SF3B3: variants seen among roughly 807,000 people sequenced by gnomAD.
SF3B3 encodes the protein SAP 130.
A neutral mutation model predicts 139.2 loss-of-function variants in SF3B3; 33 were observed. The observed-to-expected ratio is 0.24, with a 90% confidence interval of 0.18 to 0.32. SF3B3 has a LOEUF of 0.32. Among genes scored for constraint, SF3B3 ranks in the 10% least tolerant of loss-of-function variants. SF3B3 has a pLI of 1.00. For missense variants in SF3B3, 818 were observed against 1,509.4 expected (o/e 0.54, Z 7.59); for synonymous variants, 596 against 563.6 (o/e 1.06, Z -0.81).
At chr16:70,557,814 A>T (rs969566188) in intron 15 of SF3B3, among the ~76,000 whole-genome samples, 1 of 152,158 alleles carries the variant, frequency 6.6e-6, no homozygotes, top group Non-Finnish European at 1.5e-5. Context: ...TCCAAGATCT[A>T]TCATTTCATC....
intron 24 of SF3B3, 116 bp downstream of exon 24, chr16:70,570,265 T>TA: frequency 9.4e-7 from 1 of 1,064,674 alleles, no homozygotes; most frequent in Non-Finnish European, 1.4e-6. Flanking sequence ...TTCTGGGAAT[T>TA]ATAAAGTGAC....
At chr16:70,556,589 C>G (rs2050381565) in intron 14 of SF3B3, 1 of 601,040 alleles carries the variant, frequency 1.7e-6, no homozygotes, top group Admixed American at 3.0e-5. Flanking sequence ...AGTTAACAAC[C>G]AAGACTGCAT....
At position 70,571,127 on chromosome 16, in the gene SF3B3, C is replaced by T. The variant is rs768459600; in HGVS notation, c.3441C>T (p.His1147=). ...ACTTCTTCCAGCATGTGGAAATGCA[C>T]CTGCGGTCTGAACATCCCCCTCTCT... ...DHDFFQHVEM[H]LRSEHPPLCG... Residue 1147 remains histidine, a synonymous_variant, in exon 25 of 26, where the codon CAC becomes CAT. Coordinates refer to ENST00000302516, the MANE Select transcript of SF3B3 (RefSeq NM_012426.5). 2.1e-5 allele frequency: 34 copies of T among 1,614,076 alleles called. No homozygotes were observed. In the East Asian group the frequency reaches 2.5e-4, roughly 12 times the overall value.
At chr16:70,540,031 T>C (rs2050204826) in intron 8 of SF3B3, among the ~76,000 whole-genome samples, 2 of 149,574 alleles carry the variant, frequency 1.3e-5, no homozygotes, top group South Asian at 4.3e-4. Context: ...TGCCTCGACC[T>C]CCCAAAGTGG....
intron 6 of SF3B3, among the ~76,000 whole-genome samples, chr16:70,536,152 A>G (rs1021814037): frequency 2.6e-5 from 4 of 151,636 alleles, no homozygotes; most frequent in South Asian, 2.1e-4. Context: ...TTAGTTCAGG[A>G]TATTTCCCTC....
chr16:70,569,836 AG>A, intron 23 of SF3B3, 169 bp from the exon 24 acceptor site: 1 of 674,176 alleles, frequency 1.5e-6, no homozygotes, highest in Non-Finnish European at 2.5e-6. Context: ...TGTGTTGCCC[AG>A]GCTGGTCTTG....
chr16:70,554,682 C>A, intron 12 of SF3B3, 85 bp downstream of exon 12: 1 of 1,380,152 alleles, frequency 7.2e-7, no homozygotes, highest in South Asian at 1.2e-5. Context: ...GTTCATGTCT[C>A]TTCACCCTCA....
At chr16:70,536,774 G>GA (rs1275680391) in intron 6 of SF3B3, among the ~76,000 whole-genome samples, 1 of 150,396 alleles carries the variant, frequency 6.6e-6, no homozygotes, top group East Asian at 2.0e-4. Flanking sequence ...TTACAGGCAT[G>GA]AAGTGCCCTG....
chr16:70,571,331 G>T, intron 25 of SF3B3, 132 bp downstream of exon 25: 1 of 662,816 alleles, frequency 1.5e-6, no homozygotes. Flanking sequence ...GGCTTCACCT[G>T]CTTCTGCCAA....
Position 70,530,728 on chromosome 16 carries a change from A to G in SF3B3, c.398-17A>G, listed in dbSNP as rs2050113651. 3 of 1,600,928 alleles carry G rather than the reference A, an allele frequency of 1.9e-6. No homozygotes were observed. Among genetic ancestry groups the G allele is most frequent in the East Asian group, 2.2e-5 (1 of 44,812 alleles). On this transcript the variant is annotated splice_polypyrimidine_tract_variant and intron_variant, in intron 3 of 25. Transcript: ENST00000302516. ...ATTATCTGGGAATCTTGTATGTTTT[A>G]TCTCCTTCAACTACAGGTGCCATTG...
intron 10 of SF3B3, among the ~76,000 whole-genome samples, chr16:70,544,912 GA>G: frequency 6.6e-6 from 1 of 152,252 alleles, no homozygotes; most frequent in East Asian, 1.9e-4. Context: ...CACTAGTCAT[GA>G]CATGGAGGCT....
chr16:70,554,570 C>T lies in SF3B3; in HGVS notation c.1527C>T (p.Ser509=), dbSNP rs755815049. The T allele has an allele frequency of 6.2e-7, 1 of 1,614,058 alleles. No individual in the cohort carries two copies. The highest frequency in any genetic ancestry group is 8.5e-7 in the Non-Finnish European group (1 of 1,180,034). ...FLGTTPTLSC[S]LLGDDALVQV... ...GGACCACCCCGACCTTGTCCTGCTC[C>T]TTATTAGGAGATGATGCCTTGGTGC... The change falls in exon 12 of 26, where the codon TCC becomes TCT. Residue 509 remains serine (S), a synonymous_variant. Coordinates refer to ENST00000302516, the MANE Select transcript of SF3B3 (RefSeq NM_012426.5).
chr16:70,525,073 A>AGGCTGGAGC (rs1011446993), intron 1 of SF3B3: 1 of 152,514 alleles, frequency 6.6e-6, no homozygotes, highest in African/African-American at 2.4e-5. Flanking sequence ...GCTGTCGCCC[A>AGGCTGGAGC]GGCTGGAGCG....
intron 6 of SF3B3, among the ~76,000 whole-genome samples, chr16:70,536,517 A>G (rs1263563090): frequency 6.7e-6 from 1 of 148,444 alleles, no homozygotes; most frequent in South Asian, 2.1e-4. Context: ...GGCGCCCACC[A>G]CCACGCCCGG....
Position 70,555,095 on chromosome 16 carries a change from C to A in SF3B3, c.1599C>A (p.Val533=). The A allele has an allele frequency of 6.2e-7, 1 of 1,614,092 alleles. No individual in the cohort carries two copies. Among genetic ancestry groups the A allele is most frequent in the South Asian group, 1.1e-5 (1 of 91,060 alleles). The change falls in exon 13 of 26, where the codon GTC becomes GTA. Residue 533 remains valine, a synonymous_variant. Coordinates refer to ENST00000302516, the MANE Select transcript of SF3B3 (RefSeq NM_012426.5). ...GIRHIRADKR[V]NEWKTPGKKT... The stretch of plus-strand genomic sequence containing the variant: ...GGCACATACGAGCAGACAAGAGAGT[C>A]AATGAGTGGAAGACCCCTGGAAAGA...
Position 70,538,472 on chromosome 16 carries a change from A to G in SF3B3, c.963+12A>G, listed in dbSNP as rs374971363. 82 of 1,609,114 alleles carry G rather than the reference A, an allele frequency of 5.1e-5. No homozygotes were observed. The highest frequency in any genetic ancestry group is 6.2e-5 in the Non-Finnish European group (73 of 1,175,842). ...CAGATGAAGATATGGTAAGTAGACCATGGATGGACCAGTATAGCTACTCTA... is the reference window on the plus strand; with the variant it reads ...CAGATGAAGATATGGTAAGTAGACCGTGGATGGACCAGTATAGCTACTCTA... On this transcript the variant is annotated intron_variant, in intron 7 of 25. Coordinates refer to ENST00000302516, the MANE Select transcript of SF3B3 (RefSeq NM_012426.5).
At chr16:70,571,013 C>A in intron 24 of SF3B3, 82 bp from the exon 25 acceptor site, 1 of 902,240 alleles carries the variant, frequency 1.1e-6, no homozygotes, top group Non-Finnish European at 1.9e-6. Context: ...AAATGAATGG[C>A]TTGTCTGTTC....
intron 9 of SF3B3, among the ~76,000 whole-genome samples, chr16:70,542,119 T>A (rs1388559278): frequency 6.6e-6 from 1 of 152,202 alleles, no homozygotes; most frequent in African/African-American, 2.4e-5. Flanking sequence ...CCCCGTAATC[T>A]TCTCACCTGT....
At chr16:70,532,409 A>C in intron 4 of SF3B3, 70 bp from the exon 5 acceptor site, 1 of 1,228,488 alleles carries the variant, frequency 8.1e-7, no homozygotes. Flanking sequence ...TGTAAATTGG[A>C]GTCCTGATGT....
Sources: gnomAD v4.1 joint callset for allele counts (sites outside exome capture counted in the v4.1 genomes callset) on GRCh38, gnomAD v4.1.1 for gene constraint, MANE v1.5 for transcripts, NCBI Gene and HGNC (gene_info 2026-07-23, HGNC 2026-07-21) for gene names.